The following MARCHF8 variants were observed in gnomAD, a reference collection of about 807,000 sequenced individuals.
MARCHF8 encodes membrane associated ring-CH-type finger 8.
MARCHF8 carries 40 observed loss-of-function variants against 51.6 expected under a neutral mutation model. That is an observed-to-expected ratio of 0.77 (90% CI 0.60 to 1.01). The LOEUF is 1.01. Ranked by LOEUF, MARCHF8 falls within the 50% of genes least tolerant of loss-of-function variation. MARCHF8 has a pLI of 0.00. For synonymous variants in MARCHF8, 263 were observed against 280.3 expected (o/e 0.94, Z 0.62); for missense variants, 685 against 708.6 (o/e 0.97, Z 0.38).
chr10:45,461,420 G>T lies in MARCHF8; in HGVS notation c.1089-9C>A. On this transcript the variant is annotated splice_polypyrimidine_tract_variant and intron_variant, in intron 5 of 7. Coordinates refer to ENST00000453424, the MANE Select transcript of MARCHF8 (RefSeq NM_001282866.2). ...CTTCACAGTGGCAGATCCTATGGTG[G>T]AAGGAAAACCTGTCATTCCAAGGAC... 6.5e-7 allele frequency: 1 copy of T among 1,534,184 alleles called. No homozygotes were observed. Among genetic ancestry groups the T allele is most frequent in the Non-Finnish European group, 8.8e-7 (1 of 1,141,056 alleles).
At chr10:45,533,404 A>T in intron 1 of MARCHF8, 115 bp from the exon 2 acceptor site, 1 of 553,328 alleles carries the variant, frequency 1.8e-6, no homozygotes, top group Non-Finnish European at 2.6e-6. Flanking sequence ...AAGTTACGGC[A>T]ACATAAATGT....
intron 1 of MARCHF8, among the ~76,000 whole-genome samples, chr10:45,550,150 T>C (rs756678827): frequency 3.3e-5 from 5 of 152,234 alleles, no homozygotes; most frequent in Non-Finnish European, 7.3e-5. Context: ...AGAGTGTTTT[T>C]ATAAGGTGTT....
chr10:45,568,323 GAC>G (rs2044387840), intron 1 of MARCHF8, among the ~76,000 whole-genome samples: 2 of 152,296 alleles, frequency 1.3e-5, no homozygotes, highest in South Asian at 4.1e-4. Context: ...TAACAGTGGT[GAC>G]AGTGGGCATC....
intron 5 of MARCHF8, 149 bp downstream of exon 5, chr10:45,463,002 G>T: frequency 9.9e-7 from 1 of 1,005,370 alleles, no homozygotes; most frequent in Non-Finnish European, 1.4e-6. Context: ...AAACGATATT[G>T]ATACTCCATT....
chr10:45,469,690 C>A (rs1344368733), intron 3 of MARCHF8, among the ~76,000 whole-genome samples: 1 of 151,498 alleles, frequency 6.6e-6, no homozygotes, highest in African/African-American at 2.4e-5. Context: ...ACGGTGAAAC[C>A]CCGTCTCTAC....
rs894972979 is a variant in MARCHF8, at chr10:45,485,975, A to T, written c.153+3392T>A. Reference sequence around the variant, plus strand: ...AGGTTCATTTAATAAATACTCCAATAAAAAAACTGTCTTCTCAAAAACAGT... The same window carrying T: ...AGGTTCATTTAATAAATACTCCAATTAAAAAACTGTCTTCTCAAAAACAGT... On this transcript the variant is annotated intron_variant, in intron 3 of 7. Coordinates refer to ENST00000453424, the MANE Select transcript of MARCHF8 (RefSeq NM_001282866.2). 3.2e-4 allele frequency among the ~76,000 whole-genome samples: 48 copies of T among 152,172 alleles called. 1 individual carries two copies. Among genetic ancestry groups the T allele is most frequent in the African/African-American group, 1.0e-3 (43 of 41,434 alleles).
chr10:45,499,328 T>C (rs2043234055), intron 2 of MARCHF8, among the ~76,000 whole-genome samples: 1 of 152,240 alleles, frequency 6.6e-6, no homozygotes, highest in South Asian at 2.1e-4. Flanking sequence ...TTATATATTC[T>C]AGATATTATC....
At chr10:45,458,628 C>G (rs372879916) in intron 7 of MARCHF8, 85 bp from the exon 8 acceptor site, 2 of 1,346,646 alleles carry the variant, frequency 1.5e-6, no homozygotes, top group Admixed American at 5.4e-5. Context: ...CCATAATCAA[C>G]TGATTCTTTG....
At chr10:45,525,936 T>C (rs1310084310) in intron 2 of MARCHF8, among the ~76,000 whole-genome samples, 1 of 152,134 alleles carries the variant, frequency 6.6e-6, no homozygotes, top group African/African-American at 2.4e-5. Context: ...AACAACAAAA[T>C]GTAATATGCT....
At chr10:45,532,386 G>C (rs113648749) in intron 2 of MARCHF8, among the ~76,000 whole-genome samples, 2,082 of 152,178 alleles carry the variant, frequency 0.014, 54 homozygotes, top group African/African-American at 0.047. Context: ...ACACTATTAT[G>C]GACTAAATGT....
Position 45,458,042 on chromosome 10 carries a change from A to C in MARCHF8, c.*197T>G, listed in dbSNP as rs188902172. The C allele has an allele frequency of 2.2e-3, 1,283 of 579,682 alleles. 24 individuals carry two copies. The East Asian group carries it at 0.023, about 10-fold the overall frequency. The allele number at this position is 579,682 out of a possible 1,614,324, so 35.9% of individuals were successfully genotyped here. A position where few individuals can be genotyped will look rare whatever the true frequency, so the allele number is the denominator to read the frequency against. On this transcript the variant is annotated 3_prime_UTR_variant, in exon 8 of 8. Coordinates refer to ENST00000453424, the MANE Select transcript of MARCHF8 (RefSeq NM_001282866.2). ...ACTTTCCCACAGAGCTGCCAGGCAG[A>C]GGCAGGACCCAGGCATGCCTGGCCC...
At chr10:45,561,878 G>T (rs549583779) in intron 1 of MARCHF8, among the ~76,000 whole-genome samples, 69 of 135,504 alleles carry the variant, frequency 5.1e-4, no homozygotes, top group African/African-American at 1.8e-3. Context: ...TCCAGCCTGG[G>T]CAACGGAGCA....
intron 3 of MARCHF8, among the ~76,000 whole-genome samples, chr10:45,472,819 C>T (rs962094500): frequency 2.0e-5 from 3 of 152,236 alleles, no homozygotes; most frequent in East Asian, 3.8e-4. Context: ...GAAACACTGC[C>T]TCAGTGCTGT....
chr10:45,579,321 T>G (rs1178461321), intron 1 of MARCHF8, among the ~76,000 whole-genome samples: 1 of 151,672 alleles, frequency 6.6e-6, no homozygotes, highest in Non-Finnish European at 1.5e-5. Flanking sequence ...ATTTTTTCTG[T>G]AAGTTACACA....
At chr10:45,507,341 A>G (rs549732321) in intron 2 of MARCHF8, among the ~76,000 whole-genome samples, 1 of 152,336 alleles carries the variant, frequency 6.6e-6, no homozygotes, top group South Asian at 2.1e-4. Context: ...GGAATACCTG[A>G]GGCTGGGTAA....
At chr10:45,571,790 G>A (rs867914189) in intron 1 of MARCHF8, among the ~76,000 whole-genome samples, 5 of 151,896 alleles carry the variant, frequency 3.3e-5, no homozygotes, top group African/African-American at 1.2e-4. Context: ...TTCAATCTTC[G>A]CGCCACACTT....
rs995543171 is a variant in MARCHF8 at position 45,484,177 on chromosome 10, T to C, written c.153+5190A>G. On this transcript the variant is annotated intron_variant, in intron 3 of 7. Coordinates refer to ENST00000453424, the MANE Select transcript of MARCHF8 (RefSeq NM_001282866.2). The stretch of plus-strand genomic sequence containing the variant: ...AAATATCAGAGGTACCCCATAAATA[T>C]GTACAAATAAACTAAAAAAAGAAAA... Among the ~76,000 whole-genome samples, 27 of 152,280 alleles carry C rather than the reference T, an allele frequency of 1.8e-4. 1 individual carries two copies. Among genetic ancestry groups the C allele is most frequent in the Admixed American group, 1.4e-3 (22 of 15,294 alleles).
Position 45,579,012 on chromosome 10 carries a change from A to T in MARCHF8, c.-79+15223T>A, listed in dbSNP as rs920451359. 2.1e-4 allele frequency among the ~76,000 whole-genome samples: 32 copies of T among 152,366 alleles called. 1 individual carries two copies. The highest frequency in any genetic ancestry group is 1.9e-3 in the Admixed American group (29 of 15,304). ...GGAAAACAAAAGGGCAATAAAGGAC[A>T]TTATAGGGACAACTGTTGAAACTGC... On this transcript the variant is annotated intron_variant, in intron 1 of 6. Coordinates refer to the MARCHF8 transcript ENST00000319836.
rs776414258 is a variant in MARCHF8 at position 45,461,330 on chromosome 10, C to T, written c.1170G>A (p.Gln390=). 1 of 1,608,256 alleles carries T rather than the reference C, an allele frequency of 6.2e-7. No individual in the cohort carries two copies. Residue 390 remains glutamine (Q), a synonymous_variant, in exon 6 of 8, where the codon CAG becomes CAA. Transcript: ENST00000453424. The part of the protein sequence containing the change: ...HCTGSLHFVH[Q]ACLQQWIKSS... ...TCTTGATCCACTGCTGCAGGCAGGCCTGGTGCACGAAGTGGAGGCTTCCTG... is the reference window on the plus strand; with the variant it reads ...TCTTGATCCACTGCTGCAGGCAGGCTTGGTGCACGAAGTGGAGGCTTCCTG...
Sources: allele counts gnomAD v4.1 joint callset (sites outside exome capture counted in the v4.1 genomes callset), GRCh38; gene constraint gnomAD v4.1.1; transcripts MANE v1.5; gene names NCBI Gene and HGNC (gene_info 2026-07-23, HGNC 2026-07-21).